Variants in EIF3B observed in about 807,000 individuals in gnomAD.
EIF3B encodes the protein eukaryotic translation initiation factor 3 subunit 9.
Under a neutral mutation model 104.6 loss-of-function variants are expected in EIF3B, and 10 were observed. The ratio of observed to expected loss-of-function variants is 0.10; its 90% CI spans 0.06 to 0.16. The LOEUF (loss-of-function observed/expected upper bound fraction) is 0.16, where lower values mean the gene tolerates loss of function less well. Among genes scored for constraint, EIF3B ranks in the 10% least tolerant of loss-of-function variants. The pLI is 1.00. For missense variants in EIF3B, 1,014 were observed against 1,087.9 expected (o/e 0.93, Z 0.96); for synonymous variants, 542 against 417.2 (o/e 1.30, Z -3.65).
intron 10 of EIF3B, 55 bp downstream of exon 10, chr7:2,369,737 C>T (rs1780217154): frequency 2.2e-6 from 3 of 1,354,322 alleles, no homozygotes; most frequent in Non-Finnish European, 3.1e-6. Context: ...CTGAAGTGGC[C>T]ACCGTATTGT....
rs1779681104 is a variant in EIF3B at position 2,360,704 on chromosome 7, G to A, written c.500-6G>A. On this transcript the variant is annotated splice_region_variant and splice_polypyrimidine_tract_variant and intron_variant, in intron 1 of 18. Coordinates refer to ENST00000360876, the MANE Select transcript of EIF3B (RefSeq NM_001037283.2). ...AATGATCATTTGAAAAATCTCTCTTGTTCAGAATTACTGGGAGATGTACTC... is the reference window on the plus strand; with the variant it reads ...AATGATCATTTGAAAAATCTCTCTTATTCAGAATTACTGGGAGATGTACTC... 4 of 1,573,718 alleles carry A rather than the reference G, an allele frequency of 2.5e-6. No individual in the cohort carries two copies. The highest frequency in any genetic ancestry group is 3.5e-6 in the Non-Finnish European group (4 of 1,152,302).
At chr7:2,374,321 C>T (rs1299664732) in intron 12 of EIF3B, 2 of 499,744 alleles carry the variant, frequency 4.0e-6, no homozygotes, top group South Asian at 6.7e-5. Flanking sequence ...ACCCCTGTCG[C>T]ATCTTCTTTT....
Position 2,379,319 on chromosome 7 carries a change from G to A in EIF3B, c.2342-75G>A, listed in dbSNP as rs888929012. The A allele has an allele frequency of 1.5e-5, 23 of 1,555,146 alleles. No homozygotes were observed. The African/African-American group carries it at 2.0e-4, about 14-fold the overall frequency. On this transcript the variant is annotated intron_variant, in intron 17 of 18. Coordinates refer to ENST00000360876, the MANE Select transcript of EIF3B (RefSeq NM_001037283.2). Reference sequence around the variant, plus strand: ...GGCCCTGGTGCCCGCGGACTCCTGCGTTCCTTCCCACTGGCCTCGGCGGTG... The same window carrying A: ...GGCCCTGGTGCCCGCGGACTCCTGCATTCCTTCCCACTGGCCTCGGCGGTG...
intron 15 of EIF3B, among the ~76,000 whole-genome samples, chr7:2,377,618 T>G (rs36130740): frequency 0.037 from 1,331 of 36,456 alleles, 18 homozygotes; most frequent in African/African-American, 0.052. Flanking sequence ...AGGCGCGAGC[T>G]CTCCTGGGAA....
intron 13 of EIF3B, 123 bp from the exon 14 acceptor site, chr7:2,375,266 C>A: frequency 7.9e-7 from 1 of 1,273,798 alleles, no homozygotes; most frequent in South Asian, 1.3e-5. Flanking sequence ...TGTTGCTGTG[C>A]TTGTTTCCAT....
rs575418610 is a variant in EIF3B, at chr7:2,380,616, G to T, written c.*427G>T. 3 of 335,958 alleles carry T rather than the reference G, an allele frequency of 8.9e-6. No individual in the cohort carries two copies. Among genetic ancestry groups the T allele is most frequent in the Non-Finnish European group, 1.8e-5 (3 of 169,576 alleles). 20.8% of individuals were successfully genotyped at this position (335,958 alleles called of 1,614,324 possible). ...GTTGAAGGACTTGCATCCCCATTGCGGGCAGTGCTGGACGTGTCCCGGAGA... is the reference window on the plus strand; with the variant it reads ...GTTGAAGGACTTGCATCCCCATTGCTGGCAGTGCTGGACGTGTCCCGGAGA... On this transcript the variant is annotated 3_prime_UTR_variant, in exon 19 of 19. Transcript: ENST00000360876.
At chr7:2,366,228 G>A (rs1780020470) in intron 6 of EIF3B, 89 bp from the exon 7 acceptor site, 7 of 1,410,262 alleles carry the variant, frequency 5.0e-6, no homozygotes, top group South Asian at 2.9e-5. Context: ...CTGGTTCCGC[G>A]AGTTCTGACG....
intron 6 of EIF3B, 51 bp downstream of exon 6, chr7:2,364,580 G>A (rs1239383156): frequency 2.0e-6 from 3 of 1,514,080 alleles, no homozygotes; most frequent in South Asian, 1.2e-5. Context: ...CCCCATGCCA[G>A]CCTTCTACAG....
At position 2,379,478 on chromosome 7, in the gene EIF3B, C is replaced by G; in HGVS notation, c.2426C>G (p.Pro809Arg). 6.3e-7 allele frequency: 1 copy of G among 1,577,698 alleles called. No individual in the cohort carries two copies. Among genetic ancestry groups the G allele is most frequent in the Non-Finnish European group, 8.6e-7 (1 of 1,161,100 alleles). Residue 809 changes from proline (P) to arginine (R), a missense_variant, in exon 18 of 19, where the codon CCC becomes CGC. By Grantham distance (103) the Pro-to-Arg change is moderately radical. Coordinates refer to ENST00000360876, the MANE Select transcript of EIF3B (RefSeq NM_001037283.2). ...TTCTTCGTCACTGAAGAAATCATTC[C>G]CCTCGGGAATCAGGAGTGACCTGGA... is the stretch of plus-strand genomic sequence containing the variant. ...IEFFVTEEII[P>R]LGNQE
intron 10 of EIF3B, among the ~76,000 whole-genome samples, chr7:2,370,803 C>T (rs976377177): frequency 3.3e-5 from 5 of 151,536 alleles, no homozygotes; most frequent in Admixed American, 1.3e-4. Flanking sequence ...AGGCCGGGCA[C>T]GGTGGCTCAC....
intron 16 of EIF3B, 71 bp from the exon 17 acceptor site, chr7:2,379,063 G>A: frequency 7.5e-7 from 1 of 1,338,222 alleles, no homozygotes; most frequent in Admixed American, 1.8e-5. Flanking sequence ...CCGTCCGCCT[G>A]GGTGTGGGCT....
rs1780605506 is a variant in EIF3B at position 2,375,928 on chromosome 7, T to C, written c.2028+401T>C. 3 of 181,026 alleles carry C rather than the reference T, an allele frequency of 1.7e-5. No homozygotes were observed. The South Asian group carries it at 4.6e-4, about 28-fold the overall frequency. 11.2% of individuals were successfully genotyped at this position (181,026 alleles called of 1,614,324 possible). A position where few individuals can be genotyped will look rare whatever the true frequency, so the allele number is the denominator to read the frequency against. Reference sequence around the variant, plus strand: ...ACAACTCGTATTCCAAAACTGCTGGTTAAGTTTGTCAAGGACTTTCAGTAT... The same window carrying C: ...ACAACTCGTATTCCAAAACTGCTGGCTAAGTTTGTCAAGGACTTTCAGTAT... On this transcript the variant is annotated intron_variant, in intron 14 of 18. Coordinates refer to ENST00000360876, the MANE Select transcript of EIF3B (RefSeq NM_001037283.2).
At chr7:2,366,694 C>T in intron 8 of EIF3B, 103 bp downstream of exon 8, 2 of 1,349,736 alleles carry the variant, frequency 1.5e-6, no homozygotes, top group Non-Finnish European at 2.1e-6. Context: ...GGAGGTTTCA[C>T]AGATGCATAG....
At chr7:2,371,700 C>A (rs1002511198) in intron 10 of EIF3B, 77 bp from the exon 11 acceptor site, 12 of 1,144,276 alleles carry the variant, frequency 1.0e-5, no homozygotes, top group Non-Finnish European at 1.6e-5. Flanking sequence ...TTCATTGTGA[C>A]GTTGATCTTT....
intron 1 of EIF3B, 140 bp downstream of exon 1, chr7:2,355,560 G>T (rs547728920): frequency 1.6e-4 from 194 of 1,222,784 alleles, no homozygotes; most frequent in Non-Finnish European, 2.1e-4. Context: ...AGAAGCCACC[G>T]AGGGAGGGGT....
At chr7:2,369,335 G>A in intron 9 of EIF3B, 137 bp from the exon 10 acceptor site, 1 of 904,478 alleles carries the variant, frequency 1.1e-6, no homozygotes, top group Non-Finnish European at 1.8e-6. Flanking sequence ...AGCAGTGGCT[G>A]TGCAGAGGGA....
rs1400285467 is a variant in EIF3B at position 2,355,165 on chromosome 7, G to C, written c.244G>C (p.Glu82Gln). The C allele has an allele frequency of 6.9e-7, 1 of 1,456,556 alleles. No individual in the cohort carries two copies. The highest frequency in any genetic ancestry group is 9.0e-7 in the Non-Finnish European group (1 of 1,114,128). 90.2% of individuals were successfully genotyped at this position (1,456,556 alleles called of 1,614,324 possible). Residue 82 changes from glutamate (E) to glutamine (Q), a missense_variant, in exon 1 of 19, where the codon GAG becomes CAG. This residue lies in a region of EIF3B where 488 missense variants were observed against 404.3 expected (regional missense o/e 1.21). Coordinates refer to ENST00000360876, the MANE Select transcript of EIF3B (RefSeq NM_001037283.2). ...AEAEAASGPS[E>Q]SPSPPAAEEL... ...GGCAGAGGCGGCCTCCGGCCCGTCCGAGTCGCCCTCGCCGCCGGCCGCCGA... is the reference window on the plus strand; with the variant it reads ...GGCAGAGGCGGCCTCCGGCCCGTCCCAGTCGCCCTCGCCGCCGGCCGCCGA...
rs149152140 is a variant in EIF3B at position 2,378,715 on chromosome 7, C to T, written c.2181C>T (p.Tyr727=). 2.8e-4 allele frequency: 447 copies of T among 1,614,020 alleles called. 2 individuals are homozygous for T. The highest frequency in any genetic ancestry group is 2.1e-3 in the Middle Eastern group (13 of 6,060). The part of the protein sequence containing the change: ...IKQIKKDLKK[Y]SKIFEQKDRL... ...AAATTAAAAAGGATCTGAAGAAATA[C>T]TCTAAGATCTTTGAACAGAAGGATC... The change falls in exon 16 of 19, where the codon TAC becomes TAT. Residue 727 remains tyrosine, a synonymous_variant. Transcript: ENST00000360876.
intron 5 of EIF3B, 96 bp from the exon 6 acceptor site, chr7:2,364,276 T>G: frequency 3.2e-6 from 4 of 1,235,124 alleles, no homozygotes; most frequent in Non-Finnish European, 4.5e-6. Flanking sequence ...AAAAAAAGTT[T>G]GTAGAACAGA....
Sources: allele counts gnomAD v4.1 joint callset (sites outside exome capture counted in the v4.1 genomes callset), GRCh38; gene constraint gnomAD v4.1.1; regional missense constraint gnomAD v4.1.1; transcripts MANE v1.5; gene names NCBI Gene and HGNC (gene_info 2026-07-23, HGNC 2026-07-21).